Variants in WWOX observed in about 807,000 individuals in gnomAD.
The protein encoded by WWOX is WW domain-containing oxidoreductase.
Under a neutral mutation model 46.2 loss-of-function variants are expected in WWOX, and 69 were observed. The ratio of observed to expected loss-of-function variants is 1.49; its 90% CI spans 1.23 to 1.82. The LOEUF (loss-of-function observed/expected upper bound fraction) is 1.82, where lower values mean the gene tolerates loss of function less well. Among genes scored for constraint, WWOX ranks in the 40% most tolerant of loss-of-function variants. The pLI, the probability that WWOX is intolerant of heterozygous loss-of-function variation, is 0.00. For synonymous variants in WWOX, 359 were observed against 202.6 expected (o/e 1.77, Z -6.56); for missense variants, 919 against 542.6 (o/e 1.69, Z -6.89).
In WWOX at chr16:79,063,083, C is replaced by T. The variant is rs577864601; in HGVS notation, c.1057-148525C>T. On this transcript the variant is annotated intron_variant, in intron 8 of 8. Coordinates refer to ENST00000566780, the MANE Select transcript of WWOX (RefSeq NM_016373.4). ...CCATTATACTGTTTGAAAGTTGGTG[C>T]CGCGCCAAATCTCCCACCAAATCTG... is the stretch of plus-strand genomic sequence containing the variant. Among the ~76,000 whole-genome samples the T allele has an allele frequency of 6.6e-5, 10 of 152,290 alleles. No homozygotes were observed. The East Asian group carries it at 1.9e-3, about 29-fold the overall frequency.
At chr16:79,021,007 G>A (rs986712908) in intron 8 of WWOX, among the ~76,000 whole-genome samples, 1 of 152,130 alleles carries the variant, frequency 6.6e-6, no homozygotes, top group African/African-American at 2.4e-5. Context: ...TTCAGCATGG[G>A]TGGAAGACCA....
At chr16:78,381,396 C>T (rs1046224089) in intron 5 of WWOX, among the ~76,000 whole-genome samples, 16 of 152,102 alleles carry the variant, frequency 1.1e-4, no homozygotes, top group Non-Finnish European at 5.9e-5. Flanking sequence ...ATGAGTGCCA[C>T]TATATTCAAG....
rs761874221 is a variant in WWOX at position 78,597,766 on chromosome 16, A to G, written c.1056+165014A>G. On this transcript the variant is annotated intron_variant, in intron 8 of 8. Transcript: ENST00000566780. ...TATGAGTTTATTTATATGTGTATAT[A>G]TATATATATATATAAAATATATTTC... Among the ~76,000 whole-genome samples the G allele has an allele frequency of 4.8e-3, 669 of 139,912 alleles. 4 individuals carry two copies. Among genetic ancestry groups the G allele is most frequent in the Middle Eastern group, 7.1e-3 (2 of 280 alleles). The allele number at this position is 139,912 out of a possible 152,430, so 91.8% of individuals were successfully genotyped here.
intron 8 of WWOX, among the ~76,000 whole-genome samples, chr16:78,946,179 G>C (rs2045944873): frequency 2.0e-5 from 3 of 151,990 alleles, no homozygotes; most frequent in Non-Finnish European, 4.4e-5. Context: ...TTCTCTTTCT[G>C]TGTTTGTTGT....
intron 8 of WWOX, among the ~76,000 whole-genome samples, chr16:78,642,746 C>T (rs1038104891): frequency 3.3e-5 from 5 of 152,004 alleles, no homozygotes; most frequent in African/African-American, 1.2e-4. Flanking sequence ...GGGTGCACAT[C>T]AGGATACCTC....
intron 8 of WWOX, among the ~76,000 whole-genome samples, chr16:79,090,465 C>A (rs1191234120): frequency 1.3e-5 from 2 of 152,176 alleles, no homozygotes; most frequent in Admixed American, 6.5e-5. Context: ...CAAAGGAAAT[C>A]CCTGCCCTCA....
At chr16:78,926,319 G>C (rs1038403375) in intron 8 of WWOX, among the ~76,000 whole-genome samples, 1 of 151,214 alleles carries the variant, frequency 6.6e-6, no homozygotes, top group Non-Finnish European at 1.5e-5. Flanking sequence ...ATTGCAGTGA[G>C]CCATGCTCGT....
intron 8 of WWOX, among the ~76,000 whole-genome samples, chr16:78,568,475 T>G: frequency 8.2e-6 from 1 of 122,440 alleles, no homozygotes; most frequent in South Asian, 2.5e-4. Flanking sequence ...AGCTTCCAAC[T>G]TTTTTTTTTT....
intron 4 of WWOX, among the ~76,000 whole-genome samples, chr16:78,163,651 G>A (rs1175969718): frequency 6.6e-6 from 1 of 152,202 alleles, no homozygotes; most frequent in Non-Finnish European, 1.5e-5. Flanking sequence ...ATGCACGTGT[G>A]TTATTTTGTC....
intron 8 of WWOX, among the ~76,000 whole-genome samples, chr16:78,446,763 C>A (rs571189635): frequency 6.8e-6 from 1 of 147,750 alleles, no homozygotes; most frequent in Non-Finnish European, 1.5e-5. Context: ...CAAGTTCAAG[C>A]CATTCTCCAG....
chr16:78,280,267 G>A (rs905172685), intron 5 of WWOX, among the ~76,000 whole-genome samples: 5 of 152,116 alleles, frequency 3.3e-5, no homozygotes, highest in South Asian at 2.1e-4. Flanking sequence ...CATGGCTGAC[G>A]TTATATATAA....
intron 8 of WWOX, among the ~76,000 whole-genome samples, chr16:79,093,333 A>G (rs1488045056): frequency 1.3e-5 from 2 of 152,208 alleles, no homozygotes; most frequent in African/African-American, 4.8e-5. Flanking sequence ...ATGAGACTCT[A>G]AATTTGTTTA....
At chr16:79,035,770 C>G (rs986572244) in intron 8 of WWOX, among the ~76,000 whole-genome samples, 31 of 151,228 alleles carry the variant, frequency 2.0e-4, no homozygotes, top group African/African-American at 6.6e-4. Context: ...AACTCCTGAT[C>G]TCAGGTGTTC....
At chr16:79,193,350 A>C (rs1252941156) in intron 8 of WWOX, among the ~76,000 whole-genome samples, 1 of 152,242 alleles carries the variant, frequency 6.6e-6, no homozygotes, top group African/African-American at 2.4e-5. Flanking sequence ...AGCCTGGAAC[A>C]GAGGAGACTT....
intron 8 of WWOX, among the ~76,000 whole-genome samples, chr16:78,883,882 A>C (rs1350950740): frequency 1.3e-5 from 2 of 152,162 alleles, no homozygotes; most frequent in Non-Finnish European, 2.9e-5. Flanking sequence ...AGATAATTTA[A>C]AGGGAAAGAA....
At chr16:78,455,512 G>C (rs1179323646) in intron 8 of WWOX, among the ~76,000 whole-genome samples, 1 of 151,576 alleles carries the variant, frequency 6.6e-6, no homozygotes, top group African/African-American at 2.4e-5. Flanking sequence ...GTGTGGTAGT[G>C]TGTGCCTGTA....
intron 5 of WWOX, among the ~76,000 whole-genome samples, chr16:78,357,104 A>C (rs2081311521): frequency 6.6e-6 from 1 of 152,154 alleles, no homozygotes; most frequent in Non-Finnish European, 1.5e-5. Flanking sequence ...CCAGGCATAG[A>C]CCTTCCTTTC....
chr16:78,793,028 CG>C (rs759561787), intron 8 of WWOX, among the ~76,000 whole-genome samples: 1 of 152,142 alleles, frequency 6.6e-6, no homozygotes, highest in African/African-American at 2.4e-5. Context: ...TCCTTGCCCC[CG>C]CTGCCCCCTT....
intron 8 of WWOX, among the ~76,000 whole-genome samples, chr16:78,935,960 A>G (rs2045728890): frequency 6.6e-6 from 1 of 151,962 alleles, no homozygotes; most frequent in Middle Eastern, 3.4e-3. Flanking sequence ...CTAGGTTCCA[A>G]AAAAAAAGTT....
Sources: gnomAD v4.1 joint callset for allele counts (sites outside exome capture counted in the v4.1 genomes callset) on GRCh38, gnomAD v4.1.1 for gene constraint, MANE v1.5 for transcripts, NCBI Gene and HGNC (gene_info 2026-07-23, HGNC 2026-07-21) for gene names.